The following ZNF699 variants were observed in gnomAD, a reference collection of about 807,000 sequenced individuals.
ZNF699 encodes the protein zinc finger protein 699, also known as hangover homolog.
ZNF699 carries 18 observed loss-of-function variants against 22.5 expected under a neutral mutation model. The observed-to-expected ratio is 0.80, with a 90% CI of 0.55 to 1.19. ZNF699 has a LOEUF of 1.19. Ranked by LOEUF, ZNF699 falls within the 50% of genes most tolerant of loss-of-function variation. The pLI, the probability that ZNF699 is intolerant of heterozygous loss-of-function variation, is 0.00. For synonymous variants in ZNF699, 241 were observed against 262.3 expected, an observed-to-expected ratio of 0.92 and a Z score of 0.78; for missense variants, 670 against 763.4, an observed-to-expected ratio of 0.88 and a Z score of 1.44.
rs145419213 is a variant in ZNF699, at chr19:9,291,277, G to A, written c.*4198C>T. On this transcript the variant is annotated 3_prime_UTR_variant, in exon 6 of 6. Coordinates refer to ENST00000591998, the MANE Select transcript of ZNF699 (RefSeq NM_198535.3). ...CAGGCATAGTACCAAAAATTCATTT[G>A]TGAAAATTAATCCTGAGATTCCAAA... Among the ~76,000 whole-genome samples the A allele has an allele frequency of 4.9e-4, 74 of 152,264 alleles. 1 individual carries two copies. The highest frequency in any genetic ancestry group is 1.7e-3 in the African/African-American group (71 of 41,556).
chr19:9,305,893 G>A (rs182246143), intron 1 of ZNF699, among the ~76,000 whole-genome samples: 118 of 151,998 alleles, frequency 7.8e-4, no homozygotes, highest in African/African-American at 2.7e-3. Context: ...TAGTAGGGAC[G>A]GTGTTTCACC....
chr19:9,304,588 A>G (rs927874499), intron 2 of ZNF699, among the ~76,000 whole-genome samples: 6 of 152,194 alleles, frequency 3.9e-5, no homozygotes, highest in Non-Finnish European at 8.8e-5. Context: ...TGTACTGTCT[A>G]TGGCTGCTTT....
chr19:9,299,191 G>A (rs975243903), intron 3 of ZNF699, among the ~76,000 whole-genome samples: 13 of 152,220 alleles, frequency 8.5e-5, no homozygotes, highest in African/African-American at 3.1e-4. Flanking sequence ...CGGGAGTGCA[G>A]TGCCACAATC....
At position 9,294,866 on chromosome 19, in the gene ZNF699, T is replaced by C. The variant is rs755424534; in HGVS notation, c.*609A>G. On this transcript the variant is annotated 3_prime_UTR_variant, in exon 6 of 6. Transcript: ENST00000591998. ...TAGCAAAAAAGAATAGGAAGAAAAA[T>C]ATTGAGTGGGCAAGTTCCATTATCT... 2.0e-5 allele frequency: 3 copies of C among 151,932 alleles called. No individual in the cohort carries two copies. Among genetic ancestry groups the C allele is most frequent in the Non-Finnish European group, 4.4e-5 (3 of 67,974 alleles). The allele number at this position is 151,932 out of a possible 1,614,324, so 9.4% of individuals were successfully genotyped here. A position where few individuals can be genotyped will look rare whatever the true frequency, so the allele number is the denominator to read the frequency against.
Position 9,305,104 on chromosome 19 carries a change from T to C in ZNF699, c.16A>G (p.Lys6Glu), listed in dbSNP as rs2066322506. The change falls in exon 2 of 6, where the codon AAA (lysine) becomes GAA (glutamate). Residue 6 changes from lysine (K) to glutamate (E), a missense_variant. Coordinates refer to ENST00000591998, the MANE Select transcript of ZNF699 (RefSeq NM_198535.3). MEEER[K>E]TAELQKNRIQ... Reference sequence around the variant, plus strand: ...CTATTTTTCTGTAACTCAGCAGTTTTTCTTTCTTCCTCCATGTCGCCTTCA... The same window carrying C: ...CTATTTTTCTGTAACTCAGCAGTTTCTCTTTCTTCCTCCATGTCGCCTTCA... The C allele has an allele frequency of 8.7e-6, 14 of 1,613,670 alleles. No individual in the cohort carries two copies. Among genetic ancestry groups the C allele is most frequent in the Non-Finnish European group, 1.0e-5 (12 of 1,179,888 alleles).
intron 2 of ZNF699, among the ~76,000 whole-genome samples, chr19:9,303,330 T>C (rs1472601681): frequency 6.6e-6 from 1 of 152,222 alleles, no homozygotes; most frequent in South Asian, 2.1e-4. Flanking sequence ...CTGTCAATTA[T>C]ACTTCTGACT....
At chr19:9,309,136 C>CTTTTT (rs61471638) in intron 1 of ZNF699, among the ~76,000 whole-genome samples, 1 of 104,838 alleles carries the variant, frequency 9.5e-6, no homozygotes, top group Non-Finnish European at 1.9e-5. Context: ...TTTTATTTTA[C>CTTTTT]TTTTTTTTTT....
chr19:9,302,492 A>G lies in ZNF699; in HGVS notation c.61T>C (p.Phe21Leu), dbSNP rs753718971. The change falls in exon 3 of 6, where the codon TTT becomes CTT. Residue 21 changes from phenylalanine (F) to leucine (L), a missense_variant. Phe to Leu is a conservative substitution (Grantham distance 22). Coordinates refer to ENST00000591998, the MANE Select transcript of ZNF699 (RefSeq NM_198535.3). The part of the protein sequence containing the change: ...QKNRIQDSVV[F>L]EDVAVDFTQE... ...GTAAAGTCCACAGCCACATCCTCAA[A>G]GACTACTGAGTCCTAAAACATACCA... 2 of 1,612,686 alleles carry G rather than the reference A, an allele frequency of 1.2e-6. No individual in the cohort carries two copies. The highest frequency in any genetic ancestry group is 1.3e-5 in the African/African-American group (1 of 74,862).
At position 9,297,798 on chromosome 19, in the gene ZNF699, T is replaced by C. The variant is rs2066292400; in HGVS notation, c.286+82A>G. 1 of 1,093,396 alleles carries C rather than the reference T, an allele frequency of 9.1e-7. No homozygotes were observed. The highest frequency in any genetic ancestry group is 1.4e-6 in the Non-Finnish European group (1 of 722,594). The allele number at this position is 1,093,396 out of a possible 1,614,324, so 67.7% of individuals were successfully genotyped here. On this transcript the variant is annotated intron_variant, in intron 4 of 5. Transcript: ENST00000591998. The surrounding 1 kb of genome is among the most constrained non-coding windows in gnomAD (Gnocchi z 4.3). Reference sequence around the variant, plus strand: ...TATCTGTGGAAGATGAGCTTCCTCATATAAAACAAAGTTTGTTTTTGTTTT... The same window carrying C: ...TATCTGTGGAAGATGAGCTTCCTCACATAAAACAAAGTTTGTTTTTGTTTT...
intron 2 of ZNF699, 132 bp from the exon 3 acceptor site, chr19:9,302,636 C>T (rs1456478420): frequency 1.2e-6 from 1 of 868,102 alleles, no homozygotes. Flanking sequence ...AGCATCTACT[C>T]TAGGGCTCAG....
At chr19:9,298,186 G>A (rs534691298) in intron 3 of ZNF699, among the ~76,000 whole-genome samples, 196 bp from the exon 4 acceptor site, 31 of 145,740 alleles carry the variant, frequency 2.1e-4, no homozygotes, top group African/African-American at 7.2e-4. Flanking sequence ...GGTGACTCAC[G>A]CCTGTAATCC....
chr19:9,307,138 T>A (rs573032022), intron 1 of ZNF699, among the ~76,000 whole-genome samples: 1 of 152,082 alleles, frequency 6.6e-6, no homozygotes, highest in Non-Finnish European at 1.5e-5. Context: ...GAGGCAGAGG[T>A]TGCAGTAAGC....
chr19:9,303,272 T>A (rs1196392702), intron 2 of ZNF699, among the ~76,000 whole-genome samples: 2 of 151,936 alleles, frequency 1.3e-5, no homozygotes, highest in Non-Finnish European at 2.9e-5. Context: ...CCACAGGAGG[T>A]CCCACTAAAC....
rs143385704 is a variant in ZNF699, at chr19:9,306,880, C to G, written c.-5-1756G>C. 6.1e-3 allele frequency among the ~76,000 whole-genome samples: 935 copies of G among 152,318 alleles called. 7 individuals carry two copies. The highest frequency in any genetic ancestry group is 0.021 in the African/African-American group (889 of 41,566). Reference sequence around the variant, plus strand: ...ATTTAGCCTAGAACCCTATTGGGCACTACAGAGAGTGGACAAATGAAGCAT... The same window carrying G: ...ATTTAGCCTAGAACCCTATTGGGCAGTACAGAGAGTGGACAAATGAAGCAT... On this transcript the variant is annotated intron_variant, in intron 1 of 5. Coordinates refer to ENST00000591998, the MANE Select transcript of ZNF699 (RefSeq NM_198535.3).
At position 9,295,588 on chromosome 19, in the gene ZNF699, C is replaced by A. The variant is rs368263663; in HGVS notation, c.1816G>T (p.Val606Leu). Residue 606 changes from valine to leucine, a missense_variant, in exon 6 of 6, where the codon GTG becomes TTG. Coordinates refer to ENST00000591998, the MANE Select transcript of ZNF699 (RefSeq NM_198535.3). Reference protein sequence around the residue: ...FSCPSSFRRHVRSHTGEKPYE... With the variant: ...FSCPSSFRRHLRSHTGEKPYE... ...GGTTTCTCTCCAGTGTGGCTTCTCA[C>A]ATGCCTTCGAAAGGATGAGGGACAA... 3 of 1,611,062 alleles carry A rather than the reference C, an allele frequency of 1.9e-6. No homozygotes were observed. The highest frequency in any genetic ancestry group is 2.5e-6 in the Non-Finnish European group (3 of 1,179,328).
chr19:9,298,398 A>T (rs2066295042), intron 3 of ZNF699, among the ~76,000 whole-genome samples: 1 of 148,964 alleles, frequency 6.7e-6, no homozygotes, highest in Non-Finnish European at 1.5e-5. Flanking sequence ...GTGAGCTGAG[A>T]TCGTGCCACT....
chr19:9,295,519 A>G lies in ZNF699; in HGVS notation c.1885T>C (p.Tyr629His). Residue 629 changes from tyrosine (Y) to histidine (H), a missense_variant, in exon 6 of 6, where the codon TAC becomes CAC. Transcript: ENST00000591998. ...TGAGTTTTCACATGCCTTCGAAAGT[A>G]GGCAGGACAAACAAAGGCTTTCCCA... ...ECGKAFVCPA[Y>H]FRRHVKTHTR... The G allele has an allele frequency of 6.2e-7, 1 of 1,613,536 alleles. No individual in the cohort carries two copies. Among genetic ancestry groups the G allele is most frequent in the East Asian group, 2.2e-5 (1 of 44,886 alleles).
rs1364011555 is a variant in ZNF699, at chr19:9,295,387, C to T, written c.*88G>A. On this transcript the variant is annotated 3_prime_UTR_variant, in exon 6 of 6. Transcript: ENST00000591998. ...ACGATGAGCAACAATTTCCTACTTTCTTACATTCATAGGGTGTCTCCACAG... is the reference window on the plus strand; with the variant it reads ...ACGATGAGCAACAATTTCCTACTTTTTTACATTCATAGGGTGTCTCCACAG... 3 of 1,479,214 alleles carry T rather than the reference C, an allele frequency of 2.0e-6. No homozygotes were observed. In the East Asian group the frequency reaches 6.8e-5, roughly 34 times the overall value. The allele number at this position is 1,479,214 out of a possible 1,614,324, so 91.6% of individuals were successfully genotyped here. A position where few individuals can be genotyped will look rare whatever the true frequency, so the allele number is the denominator to read the frequency against.
At chr19:9,306,583 A>T (rs1215225000) in intron 1 of ZNF699, among the ~76,000 whole-genome samples, 1 of 152,230 alleles carries the variant, frequency 6.6e-6, no homozygotes, top group Non-Finnish European at 1.5e-5. Context: ...GACAACCCTG[A>T]TGTGAGAATG....
Sources: gnomAD v4.1 joint callset for allele counts (sites outside exome capture counted in the v4.1 genomes callset) on GRCh38, gnomAD v4.1.1 for gene constraint, Gnocchi (gnomAD v3.1) non-coding constraint, MANE v1.5 for transcripts, NCBI Gene and HGNC (gene_info 2026-07-23, HGNC 2026-07-21) for gene names.